RBFOX1: variants seen among roughly 807,000 people sequenced by gnomAD.
The protein encoded by RBFOX1 is RNA binding fox-1 homolog 1.
Under a neutral mutation model 57.7 loss-of-function variants are expected in RBFOX1, and 8 were observed. The observed-to-expected ratio is 0.14, with a 90% CI of 0.08 to 0.25. The LOEUF is 0.25. Among genes scored for constraint, RBFOX1 ranks in the 10% least tolerant of loss-of-function variants. The probability of loss-of-function intolerance (pLI) is 1.00; values close to 1 mark genes in which losing one functional copy is unlikely to be tolerated. For synonymous variants in RBFOX1, 326 were observed against 222.4 expected, an observed-to-expected ratio of 1.47 and a Z score of -4.15; for missense variants, 611 against 548.5, an observed-to-expected ratio of 1.11 and a Z score of -1.14.
At chr16:6,766,610 C>G (rs1328712872) in intron 3 of RBFOX1, among the ~76,000 whole-genome samples, 2 of 151,876 alleles carry the variant, frequency 1.3e-5, no homozygotes, top group Non-Finnish European at 2.9e-5. Context: ...CTTGTGAGCA[C>G]TCACAGTCAA....
chr16:6,944,998 G>T (rs756636607), intron 3 of RBFOX1, among the ~76,000 whole-genome samples: 3 of 152,080 alleles, frequency 2.0e-5, no homozygotes. Context: ...GAAAAGGGTC[G>T]TGACTTTTAG....
chr16:6,309,879 G>A (rs1217069872), intron 1 of RBFOX1, among the ~76,000 whole-genome samples: 5 of 152,200 alleles, frequency 3.3e-5, no homozygotes, highest in Admixed American at 2.6e-4. Flanking sequence ...CAAATGCAAT[G>A]ACGCTTATTG....
intron 3 of RBFOX1, among the ~76,000 whole-genome samples, chr16:6,923,509 G>C (rs892086540): frequency 6.6e-6 from 1 of 152,122 alleles, no homozygotes; most frequent in African/African-American, 2.4e-5. Flanking sequence ...CTCCAGCCTG[G>C]ATGATGGAGA....
At chr16:5,716,352 A>T (rs908007412) in intron 3 of RBFOX1, among the ~76,000 whole-genome samples, 3 of 152,226 alleles carry the variant, frequency 2.0e-5, no homozygotes, top group African/African-American at 7.2e-5. Flanking sequence ...TTCATCCCCC[A>T]GGCATTAAGC....
intron 3 of RBFOX1, among the ~76,000 whole-genome samples, chr16:6,906,045 A>G (rs1488282555): frequency 6.6e-6 from 1 of 152,228 alleles, no homozygotes; most frequent in Non-Finnish European, 1.5e-5. Flanking sequence ...CAGTAGAATC[A>G]GGAACAGTGA....
chr16:5,266,573 G>T (rs2062864531), intron 1 of RBFOX1, among the ~76,000 whole-genome samples: 1 of 131,412 alleles, frequency 7.6e-6, no homozygotes, highest in African/African-American at 2.9e-5. Context: ...TTTGAGGCAG[G>T]ATCTTTCTCT....
chr16:5,895,544 T>C (rs1345950989), intron 4 of RBFOX1, among the ~76,000 whole-genome samples: 1 of 152,188 alleles, frequency 6.6e-6, no homozygotes, highest in African/African-American at 2.4e-5. Flanking sequence ...AGCCTGATCT[T>C]TATTCTTACT....
chr16:5,598,856 AC>A, intron 2 of RBFOX1: 1 of 1,414,826 alleles, frequency 7.1e-7, no homozygotes, highest in Non-Finnish European at 9.3e-7. Context: ...TTTTTCCTCA[AC>A]CCGGCTTCCC....
chr16:5,440,599 A>T (rs530293874), intron 1 of RBFOX1, among the ~76,000 whole-genome samples: 1 of 152,120 alleles, frequency 6.6e-6, no homozygotes. Context: ...TCAATATTTT[A>T]TCCCTGTGAT....
At chr16:6,022,204 G>A (rs2095094452) in intron 1 of RBFOX1, among the ~76,000 whole-genome samples, 1 of 151,776 alleles carries the variant, frequency 6.6e-6, no homozygotes, top group East Asian at 1.9e-4. Context: ...CCACTGAAAG[G>A]ACTTGATCTC....
intron 3 of RBFOX1, among the ~76,000 whole-genome samples, chr16:6,966,014 T>C (rs1429780783): frequency 6.6e-6 from 1 of 152,158 alleles, no homozygotes; most frequent in African/African-American, 2.4e-5. Flanking sequence ...GAGCGTATCA[T>C]AGAAAATCGG....
chr16:6,270,904 G>A (rs192168073), intron 1 of RBFOX1, among the ~76,000 whole-genome samples: 101 of 152,284 alleles, frequency 6.6e-4, no homozygotes, highest in African/African-American at 2.3e-3. Flanking sequence ...AGGAGAATCT[G>A]CAAACATTTG....
chr16:7,320,879 G>T (rs1234134656), intron 4 of RBFOX1, among the ~76,000 whole-genome samples: 1 of 152,152 alleles, frequency 6.6e-6, no homozygotes, highest in East Asian at 1.9e-4. Flanking sequence ...AATTAATTGA[G>T]GTTCAGAAAG....
chr16:5,991,299 C>G (rs181732585), intron 4 of RBFOX1, among the ~76,000 whole-genome samples: 1 of 152,174 alleles, frequency 6.6e-6, no homozygotes, highest in Non-Finnish European at 1.5e-5. Flanking sequence ...TTTTAATATA[C>G]GTCTCCCAGG....
chr16:7,059,236 A>T (rs940113840), intron 4 of RBFOX1, among the ~76,000 whole-genome samples: 4 of 152,088 alleles, frequency 2.6e-5, no homozygotes, highest in Non-Finnish European at 4.4e-5. Context: ...CCAGCTTTTC[A>T]TTCCTTAGTG....
chr16:7,509,914 G>C (rs888206151), intron 4 of RBFOX1, among the ~76,000 whole-genome samples: 2 of 151,332 alleles, frequency 1.3e-5, no homozygotes, highest in African/African-American at 4.9e-5. Flanking sequence ...GCGATGCATA[G>C]AATCGCATTT....
intron 7 of RBFOX1, among the ~76,000 whole-genome samples, chr16:7,589,475 G>T (rs538780313): frequency 6.6e-6 from 1 of 151,864 alleles, no homozygotes; most frequent in Non-Finnish European, 1.5e-5. Context: ...TGCATCCAGA[G>T]CCTGACTTTG....
At chr16:7,645,317 A>G (rs892848029) in intron 11 of RBFOX1, among the ~76,000 whole-genome samples, 1 of 152,128 alleles carries the variant, frequency 6.6e-6, no homozygotes, top group East Asian at 1.9e-4. Context: ...GGGCTGTGTC[A>G]ATTTCCTCGT....
chr16:7,380,860 T>C (rs1449578704), intron 4 of RBFOX1, among the ~76,000 whole-genome samples: 1 of 152,222 alleles, frequency 6.6e-6, no homozygotes, highest in African/African-American at 2.4e-5. Context: ...TAACCTTCTT[T>C]TCCAAGATGT....
Sources: allele counts gnomAD v4.1 joint callset (sites outside exome capture counted in the v4.1 genomes callset), GRCh38; gene constraint gnomAD v4.1.1; transcripts MANE v1.5; gene names NCBI Gene and HGNC (gene_info 2026-07-23, HGNC 2026-07-21).